Variants in LCMT2 observed in about 807,000 individuals in gnomAD.
LCMT2 encodes the protein leucine carboxyl methyltransferase 2.
In LCMT2, 34 loss-of-function variants were observed where a neutral mutation model predicts 42.0. That is an observed-to-expected ratio of 0.81 (90% CI 0.62 to 1.08). LCMT2 has a LOEUF of 1.08. Ranked by LOEUF, LCMT2 falls within the 50% of genes least tolerant of loss-of-function variation. LCMT2 has a pLI of 0.00. For missense variants in LCMT2, 1,091 were observed against 889.4 expected (o/e 1.23, Z -2.88); for synonymous variants, 445 against 369.5 (o/e 1.20, Z -2.34).
rs931873599 is a variant in LCMT2 at position 43,330,318 on chromosome 15, C to T, written c.172G>A (p.Val58Ile). ...CAGTGCCTCACGGCGCGTGCGCGGA[C>T]GTAGTAGCCTCGGTGAATGAGCGGT... ...RAPLIHRGYY[V>I]RARAVRHCVR... is the part of the protein sequence containing the mutation. Residue 58 changes from valine (V) to isoleucine (I), a missense_variant, in exon 1 of 1, where the codon GTC (valine) becomes ATC (isoleucine). By Grantham distance (29) the Val-to-Ile change is conservative (BLOSUM62 3). Coordinates refer to ENST00000305641, the MANE Select transcript of LCMT2 (RefSeq NM_014793.5). 1 of 1,600,502 alleles carries T rather than the reference C, an allele frequency of 6.2e-7. No homozygotes were observed.
In LCMT2 at chr15:43,330,344, G is replaced by A; in HGVS notation, c.146C>T (p.Ala49Val). 3 of 1,601,796 alleles carry A rather than the reference G, an allele frequency of 1.9e-6. No homozygotes were observed. The highest frequency in any genetic ancestry group is 2.5e-6 in the Non-Finnish European group (3 of 1,178,026). ...GTAGTAGCCTCGGTGAATGAGCGGTGCGCGGCGCGCCGCGCCCGGAACCAG... is the reference window on the plus strand; with the variant it reads ...GTAGTAGCCTCGGTGAATGAGCGGTACGCGGCGCGCCGCGCCCGGAACCAG... Reference protein sequence around the residue: ...ALLVPGAARRAPLIHRGYYVR... With the variant: ...ALLVPGAARRVPLIHRGYYVR... Residue 49 changes from alanine (A) to valine (V), a missense_variant, in exon 1 of 1, where the codon GCA becomes GTA. Ala to Val is a moderately conservative substitution (Grantham distance 64, BLOSUM62 0). Coordinates refer to ENST00000305641, the MANE Select transcript of LCMT2 (RefSeq NM_014793.5).
rs1281923842 is a variant in LCMT2 at position 43,324,697 on chromosome 15, T to G, written c.*3732A>C. On this transcript the variant is annotated 3_prime_UTR_variant, in exon 1 of 1. Transcript: ENST00000305641. ...CAAAAAACCTCACCTTATTAACTAG[T>G]TCTTTTATTCACCAAACTCTTCAAA... 2 of 152,312 alleles carry G rather than the reference T, an allele frequency of 1.3e-5. No individual in the cohort carries two copies. The highest frequency in any genetic ancestry group is 2.4e-5 in the African/African-American group (1 of 41,406). 9.4% of individuals were successfully genotyped at this position (152,312 alleles called of 1,614,324 possible). A position where few individuals can be genotyped will look rare whatever the true frequency, so the allele number is the denominator to read the frequency against.
chr15:43,328,362 G>A lies in LCMT2; in HGVS notation c.*67C>T. On this transcript the variant is annotated 3_prime_UTR_variant, in exon 1 of 1. Transcript: ENST00000305641. The stretch of plus-strand genomic sequence containing the variant: ...GGAGGAGTGGCAGTATCTATAGCTA[G>A]AGGGTCATCCTATTTGTGGAAAACT... 6.7e-7 allele frequency: 1 copy of A among 1,485,810 alleles called. No homozygotes were observed. The highest frequency in any genetic ancestry group is 2.3e-5 in the East Asian group (1 of 44,130). The allele number at this position is 1,485,810 out of a possible 1,614,324, so 92.0% of individuals were successfully genotyped here.
chr15:43,328,357 A>C lies in LCMT2; in HGVS notation c.*72T>G. 1.4e-6 allele frequency: 2 copies of C among 1,459,966 alleles called. No homozygotes were observed. Among genetic ancestry groups the C allele is most frequent in the Non-Finnish European group, 1.9e-6 (2 of 1,073,950 alleles). 90.4% of individuals were successfully genotyped at this position (1,459,966 alleles called of 1,614,324 possible). The stretch of plus-strand genomic sequence containing the variant: ...GGAAAGGAGGAGTGGCAGTATCTAT[A>C]GCTAGAGGGTCATCCTATTTGTGGA... On this transcript the variant is annotated 3_prime_UTR_variant, in exon 1 of 1. Transcript: ENST00000305641.
In LCMT2 at chr15:43,328,924, GA is replaced by G. The variant is rs1398863785; in HGVS notation, c.1565del (p.Val522AlafsTer38). On this transcript the variant is annotated frameshift_variant, in exon 1 of 1. Coordinates refer to ENST00000305641, the MANE Select transcript of LCMT2 (RefSeq NM_014793.5). LOFTEE classifies it high-confidence loss of function. ...GTACTTCTCCCTCCACTGGGATCCTGACCCAAGCCATTGTCCCTACATGGAG... is the reference window on the plus strand; with the variant it reads ...GTACTTCTCCCTCCACTGGGATCCTGCCCAAGCCATTGTCCCTACATGGAG... ...HFLHVGTMAWVRIPVEGEVPE... is the reference protein window; with the variant it reads ...HFLHVGTMAWXRIPVEGEVPE... 1 of 1,614,090 alleles carries G rather than the reference GA, an allele frequency of 6.2e-7. No homozygotes were observed. Among genetic ancestry groups the G allele is most frequent in the Admixed American group, 1.7e-5 (1 of 60,022 alleles).
At position 43,329,452 on chromosome 15, in the gene LCMT2, G is replaced by A. The variant is rs1032799097; in HGVS notation, c.1038C>T (p.Val346=). 16 of 1,614,064 alleles carry A rather than the reference G, an allele frequency of 9.9e-6. No individual in the cohort carries two copies. The highest frequency in any genetic ancestry group is 1.3e-5 in the Non-Finnish European group (15 of 1,180,046). ...SPSGVFPASV[V]SSEGQVPNLK... is the part of the protein sequence containing the mutation. ...GGTTTGGGACCTGGCCCTCGCTACT[G>A]ACTACGCTGGCAGGGAATACCCCTG... The change falls in exon 1 of 1, where the codon GTC becomes GTT. Residue 346 remains valine (V), a synonymous_variant. Transcript: ENST00000305641.
rs1447193985 is a variant in LCMT2, at chr15:43,330,238, CTGCGCGCGAAGCGCGGCCTGG to C, written c.231_251del (p.Gln78_Gln84del). 6 of 1,607,136 alleles carry C rather than the reference CTGCGCGCGAAGCGCGGCCTGG, an allele frequency of 3.7e-6. No homozygotes were observed. The South Asian group carries it at 4.4e-5, about 12-fold the overall frequency. ...CGAAGCCAGCGCCGAGAGACAAGAT[CTGCGCGCGAAGCGCGGCCTGG>C]GGCGCGCCAATCTGCTCCAAAAAAG... On this transcript the variant is annotated inframe_deletion, in exon 1 of 1. Transcript: ENST00000305641.
Position 43,329,608 on chromosome 15 carries a change from G to A in LCMT2, c.882C>T (p.Asp294=), listed in dbSNP as rs1215241436. ...RRRVENIEPF[D]EFEEWHLKCA... ...ACTTCAGATGCCACTCCTCAAATTC[G>A]TCAAAGGGTTCAATATTTTCCACCC... is the stretch of plus-strand genomic sequence containing the variant. Residue 294 remains aspartate, a synonymous_variant, in exon 1 of 1, where the codon GAC becomes GAT. Coordinates refer to ENST00000305641, the MANE Select transcript of LCMT2 (RefSeq NM_014793.5). The A allele has an allele frequency of 6.2e-7, 1 of 1,614,006 alleles. No homozygotes were observed. The highest frequency in any genetic ancestry group is 2.2e-5 in the East Asian group (1 of 44,894).
Position 43,329,404 on chromosome 15 carries a change from A to AG in LCMT2, c.1085dup (p.Val363CysfsTer35). 1 of 1,614,160 alleles carries AG rather than the reference A, an allele frequency of 6.2e-7. No homozygotes were observed. The highest frequency in any genetic ancestry group is 8.5e-7 in the Non-Finnish European group (1 of 1,180,038). ...GAATAACGTCTGGGCTCAAGAAGAC[A>AG]GAGGCGTGGCCATATCTCTTCAGGT... On this transcript the variant is annotated frameshift_variant, in exon 1 of 1. Transcript: ENST00000305641. LOFTEE classifies it high-confidence loss of function.
chr15:43,328,212 C>A lies in LCMT2; in HGVS notation c.*217G>T. 1 of 553,672 alleles carries A rather than the reference C, an allele frequency of 1.8e-6. No homozygotes were observed. 34.3% of individuals were successfully genotyped at this position (553,672 alleles called of 1,614,324 possible). A position where few individuals can be genotyped will look rare whatever the true frequency, so the allele number is the denominator to read the frequency against. ...ATTAGAGGCAGACCACTACTCCTCT[C>A]GGACTGCATGGCCACTGTCTTCAGC... On this transcript the variant is annotated 3_prime_UTR_variant, in exon 1 of 1. Transcript: ENST00000305641.
Position 43,330,567 on chromosome 15 carries a change from G to C in LCMT2, c.-78C>G, listed in dbSNP as rs2043181825. 3 of 1,456,718 alleles carry C rather than the reference G, an allele frequency of 2.1e-6. No individual in the cohort carries two copies. Among genetic ancestry groups the C allele is most frequent in the African/African-American group, 2.9e-5 (2 of 68,788 alleles). 90.2% of individuals were successfully genotyped at this position (1,456,718 alleles called of 1,614,324 possible). A position where few individuals can be genotyped will look rare whatever the true frequency, so the allele number is the denominator to read the frequency against. On this transcript the variant is annotated 5_prime_UTR_variant, in exon 1 of 1. Transcript: ENST00000305641. ...GGTTAGCACACACCTCACGGACCTCGGTAGGGGGAAAAAAACCACCCATGC... is the reference window on the plus strand; with the variant it reads ...GGTTAGCACACACCTCACGGACCTCCGTAGGGGGAAAAAAACCACCCATGC...
rs1248483055 is a variant in LCMT2 at position 43,326,994 on chromosome 15, C to T, written c.*1435G>A. The T allele has an allele frequency of 1.4e-4, 22 of 152,166 alleles. No individual in the cohort carries two copies. Among genetic ancestry groups the T allele is most frequent in the Admixed American group, 1.4e-3 (22 of 15,276 alleles). 9.4% of individuals were successfully genotyped at this position (152,166 alleles called of 1,614,324 possible). A position where few individuals can be genotyped will look rare whatever the true frequency, so the allele number is the denominator to read the frequency against. On this transcript the variant is annotated 3_prime_UTR_variant, in exon 1 of 1. Coordinates refer to ENST00000305641, the MANE Select transcript of LCMT2 (RefSeq NM_014793.5). ...AGTAATACACTTATTACCACCAAAG[C>T]CACTACATTTTTTGAGGTGTATATT...
rs147759893 is a variant in LCMT2 at position 43,329,326 on chromosome 15, C to G, written c.1164G>C (p.Gln388His). The G allele has an allele frequency of 2.1e-4, 332 of 1,614,020 alleles. No homozygotes were observed. Among genetic ancestry groups the G allele is most frequent in the Non-Finnish European group, 2.6e-4 (309 of 1,180,038 alleles). The change falls in exon 1 of 1, where the codon CAG becomes CAC. Residue 388 changes from glutamine to histidine, a missense_variant. By Grantham distance (24) the Gln-to-His change is conservative. Transcript: ENST00000305641. ...CACAATCTCTTGAGAGCAAGTGAAACTGGCTCACTCGGCAGTGCCGCCCCT... is the reference window on the plus strand; with the variant it reads ...CACAATCTCTTGAGAGCAAGTGAAAGTGGCTCACTCGGCAGTGCCGCCCCT... ...EQEGRHCRVS[Q>H]FHLLSRDCDS...
Position 43,329,464 on chromosome 15 carries a change from AG to A in LCMT2, c.1025del (p.Pro342LeufsTer4), listed in dbSNP as rs2142451768. ...VNPASPSGVF[P>X]ASVVSSEGQV... ...GGCCCTCGCTACTGACTACGCTGGC[AG>A]GGAATACCCCTGAAGGCGAAGCAGG... On this transcript the variant is annotated frameshift_variant, in exon 1 of 1. Transcript: ENST00000305641. LOFTEE classifies it high-confidence loss of function. The A allele has an allele frequency of 6.2e-7, 1 of 1,614,184 alleles. No individual in the cohort carries two copies. Among genetic ancestry groups the A allele is most frequent in the Non-Finnish European group, 8.5e-7 (1 of 1,180,026 alleles).
chr15:43,328,295 T>A lies in LCMT2; in HGVS notation c.*134A>T. On this transcript the variant is annotated 3_prime_UTR_variant, in exon 1 of 1. Coordinates refer to ENST00000305641, the MANE Select transcript of LCMT2 (RefSeq NM_014793.5). Reference sequence around the variant, plus strand: ...ACCTATTTTACCAACCTTTTTCACTTTTTGCACTGAATAGTGCTAAGGGAA... The same window carrying A: ...ACCTATTTTACCAACCTTTTTCACTATTTGCACTGAATAGTGCTAAGGGAA... The A allele has an allele frequency of 1.0e-6, 1 of 975,266 alleles. No individual in the cohort carries two copies. Among genetic ancestry groups the A allele is most frequent in the Non-Finnish European group, 1.5e-6 (1 of 658,540 alleles). The allele number at this position is 975,266 out of a possible 1,614,324, so 60.4% of individuals were successfully genotyped here. A position where few individuals can be genotyped will look rare whatever the true frequency, so the allele number is the denominator to read the frequency against.
Position 43,323,815 on chromosome 15 carries a change from A to G in LCMT2, c.*4614T>C, listed in dbSNP as rs570064529. On this transcript the variant is annotated 3_prime_UTR_variant, in exon 1 of 1. Coordinates refer to ENST00000305641, the MANE Select transcript of LCMT2 (RefSeq NM_014793.5). ...CCCTGACACACACACATACACAACA[A>G]TTACAGGAGTTATTGACATCAGTTT... 3 of 152,328 alleles carry G rather than the reference A, an allele frequency of 2.0e-5. No homozygotes were observed. The highest frequency in any genetic ancestry group is 1.9e-4 in the East Asian group (1 of 5,192). The allele number at this position is 152,328 out of a possible 1,614,324, so 9.4% of individuals were successfully genotyped here.
chr15:43,330,212 T>C lies in LCMT2; in HGVS notation c.278A>G (p.Asp93Gly). 1 of 1,609,758 alleles carries C rather than the reference T, an allele frequency of 6.2e-7. No individual in the cohort carries two copies. ...GGTTTTTAAGCGAAAATAGAGCGAG[T>C]CGAAGCCAGCGCCGAGAGACAAGAT... is the stretch of plus-strand genomic sequence containing the variant. ...AQILSLGAGF[D>G]SLYFRLKTAG... Residue 93 changes from aspartate to glycine, a missense_variant, in exon 1 of 1, where the codon GAC becomes GGC. Physicochemically the swap from Asp to Gly is moderately conservative, Grantham distance 94 (BLOSUM62 -1). Coordinates refer to ENST00000305641, the MANE Select transcript of LCMT2 (RefSeq NM_014793.5).
chr15:43,329,733 C>T lies in LCMT2; in HGVS notation c.757G>A (p.Ala253Thr). ...GCTTGAAGGAAGCGGCGCCGCTGCG[C>T]CTCCACGTCAGGAAAACGCTCCAGG... ...HGLERFPDVE[A>T]QRRRFLQAGW... Residue 253 changes from alanine to threonine, a missense_variant, in exon 1 of 1, where the codon GCG becomes ACG. Coordinates refer to ENST00000305641, the MANE Select transcript of LCMT2 (RefSeq NM_014793.5). 6.2e-7 allele frequency: 1 copy of T among 1,613,476 alleles called. No individual in the cohort carries two copies. The highest frequency in any genetic ancestry group is 8.5e-7 in the Non-Finnish European group (1 of 1,179,898).
At position 43,325,129 on chromosome 15, in the gene LCMT2, C is replaced by T. The variant is rs1407739553; in HGVS notation, c.*3300G>A. ...TTTTCATCTTCACTATTATGATACA[C>T]TATTTTTGAAACCCTGACCCAGAGT... On this transcript the variant is annotated 3_prime_UTR_variant, in exon 1 of 1. Coordinates refer to ENST00000305641, the MANE Select transcript of LCMT2 (RefSeq NM_014793.5). The T allele has an allele frequency of 2.6e-5, 4 of 152,198 alleles. No individual in the cohort carries two copies. Among genetic ancestry groups the T allele is most frequent in the Non-Finnish European group, 5.9e-5 (4 of 68,038 alleles). The allele number at this position is 152,198 out of a possible 1,614,324, so 9.4% of individuals were successfully genotyped here.
Sources: gnomAD v4.1 joint callset for allele counts on GRCh38, gnomAD v4.1.1 for gene constraint, MANE v1.5 for transcripts, NCBI Gene and HGNC (gene_info 2026-07-23, HGNC 2026-07-21) for gene names.